POU2F3: variants seen among roughly 807,000 people sequenced by gnomAD.
The protein encoded by POU2F3 is POU class 2 homeobox 3, also known as POU domain, class 2, transcription factor 3.
A neutral mutation model predicts 59.2 loss-of-function variants in POU2F3; 23 were observed. The ratio of observed to expected loss-of-function variants is 0.39; its 90% CI spans 0.28 to 0.55. The LOEUF (loss-of-function observed/expected upper bound fraction) is 0.55, where lower values mean the gene tolerates loss of function less well. POU2F3 is among the 20% of genes least tolerant of loss of function. The pLI is 0.66. For missense variants in POU2F3, 473 were observed against 544.5 expected (o/e 0.87, Z 1.31); for synonymous variants, 190 against 214.6 (o/e 0.89, Z 1.00).
In POU2F3 at chr11:120,318,741, A is replaced by C; in HGVS notation, c.*349A>C. On this transcript the variant is annotated 3_prime_UTR_variant, in exon 13 of 13. Coordinates refer to ENST00000543440, the MANE Select transcript of POU2F3 (RefSeq NM_014352.4). ...ACTTCTTGCTGTTATTCTCCAACTCATCCGTGGGCTTCTGGGGACAGCCAT... is the reference window on the plus strand; with the variant it reads ...ACTTCTTGCTGTTATTCTCCAACTCCTCCGTGGGCTTCTGGGGACAGCCAT... 3 of 239,224 alleles carry C rather than the reference A, an allele frequency of 1.3e-5. No individual in the cohort carries two copies. The highest frequency in any genetic ancestry group is 1.1e-4 in the East Asian group (1 of 9,402). The allele number at this position is 239,224 out of a possible 1,614,324, so 14.8% of individuals were successfully genotyped here.
At chr11:120,286,656 C>T (rs955491954) in intron 3 of POU2F3, among the ~76,000 whole-genome samples, 1 of 152,270 alleles carries the variant, frequency 6.6e-6, no homozygotes, top group African/African-American at 2.4e-5. Context: ...GTCACACTGT[C>T]AACTTATACG....
chr11:120,307,430 C>T lies in POU2F3; in HGVS notation c.770-49C>T. 4.4e-6 allele frequency: 7 copies of T among 1,601,338 alleles called. No individual in the cohort carries two copies. In the Middle Eastern group the frequency reaches 1.2e-3, roughly 267 times the overall value. Reference sequence around the variant, plus strand: ...GACCTCAGATCCATGAAGGCACCGGCCACTCATCCCCTTCTCTGAGCTTCC... The same window carrying T: ...GACCTCAGATCCATGAAGGCACCGGTCACTCATCCCCTTCTCTGAGCTTCC... On this transcript the variant is annotated intron_variant, in intron 8 of 12. Transcript: ENST00000543440.
Position 120,305,682 on chromosome 11 carries a change from C to T in POU2F3, c.666C>T (p.Asn222=), listed in dbSNP as rs772841579. ...TGGCGATGGGAAAGCTGTATGGCAA[C>T]GACTTCAGCCAGACCACCATCTCAC... ...VGLAMGKLYG[N]DFSQTTISRF... The change falls in exon 8 of 13, where the codon AAC becomes AAT. Residue 222 remains asparagine (N), a synonymous_variant. Transcript: ENST00000543440. The T allele has an allele frequency of 6.2e-6, 10 of 1,613,898 alleles. No individual in the cohort carries two copies. In the East Asian group the frequency reaches 8.9e-5, roughly 14 times the overall value.
rs539102257 is a variant in POU2F3 at position 120,272,423 on chromosome 11, A to C, written c.132+3179A>C. 6.6e-5 allele frequency among the ~76,000 whole-genome samples: 10 copies of C among 152,288 alleles called. No individual in the cohort carries two copies. In the South Asian group the frequency reaches 2.1e-3, roughly 32 times the overall value. The stretch of plus-strand genomic sequence containing the variant: ...GGAGCCAGAGATTGAGTGTGACCTC[A>C]CCATGACTAACTGGGAGGAAATGGG... On this transcript the variant is annotated intron_variant, in intron 3 of 12. Coordinates refer to ENST00000543440, the MANE Select transcript of POU2F3 (RefSeq NM_014352.4).
intron 3 of POU2F3, among the ~76,000 whole-genome samples, chr11:120,271,412 G>A (rs1189605356): frequency 6.6e-6 from 1 of 152,248 alleles, no homozygotes; most frequent in Non-Finnish European, 1.5e-5. Flanking sequence ...CTGTGATTCT[G>A]ATGGATTCTC....
At chr11:120,270,507 A>C (rs1340706659) in intron 3 of POU2F3, among the ~76,000 whole-genome samples, 1 of 152,192 alleles carries the variant, frequency 6.6e-6, no homozygotes, top group East Asian at 1.9e-4. Flanking sequence ...AGTTTTAGTC[A>C]GAGAAGAGTG....
intron 2 of POU2F3, chr11:120,259,168 G>A (rs2135164606): frequency 6.6e-6 from 1 of 152,358 alleles, no homozygotes; most frequent in South Asian, 2.1e-4. Context: ...TGCATTTGAA[G>A]GAAAGTCATC....
intron 2 of POU2F3, 24 bp downstream of exon 2, chr11:120,246,541 A>C: frequency 6.8e-7 from 1 of 1,473,152 alleles, no homozygotes; most frequent in South Asian, 1.1e-5. Context: ...CTTCTCGGGG[A>C]TGGAGGGGGT....
chr11:120,285,606 A>T lies in POU2F3; in HGVS notation c.133-12659A>T, dbSNP rs1374407145. ...TTCATAATAAAGATTAAAAAGGAAGATTATTTTTATCCCTGTTCATGCTCA... is the reference window on the plus strand; with the variant it reads ...TTCATAATAAAGATTAAAAAGGAAGTTTATTTTTATCCCTGTTCATGCTCA... On this transcript the variant is annotated intron_variant, in intron 3 of 12. Coordinates refer to ENST00000543440, the MANE Select transcript of POU2F3 (RefSeq NM_014352.4). This position sits in a 1 kb window ranked among gnomAD's most constrained non-coding sequence, Gnocchi z 4.3. Among the ~76,000 whole-genome samples, 2 of 152,224 alleles carry T rather than the reference A, an allele frequency of 1.3e-5. No individual in the cohort carries two copies. Among genetic ancestry groups the T allele is most frequent in the Non-Finnish European group, 2.9e-5 (2 of 68,032 alleles).
intron 3 of POU2F3, among the ~76,000 whole-genome samples, chr11:120,274,225 GACC>G (rs1940228201): frequency 6.6e-6 from 1 of 152,114 alleles, no homozygotes; most frequent in Admixed American, 6.5e-5. Flanking sequence ...CTGACCATGT[GACC>G]TTGGGCAAGT....
chr11:120,314,180 T>C (rs1018186952), intron 10 of POU2F3, among the ~76,000 whole-genome samples: 2 of 152,198 alleles, frequency 1.3e-5, no homozygotes, highest in African/African-American at 4.8e-5. Flanking sequence ...GGAGGCTCAT[T>C]GTATAAGGAA....
At position 120,317,215 on chromosome 11, in the gene POU2F3, C is replaced by T. The variant is rs1178353166; in HGVS notation, c.1136-14C>T. 1 of 1,613,794 alleles carries T rather than the reference C, an allele frequency of 6.2e-7. No homozygotes were observed. Among genetic ancestry groups the T allele is most frequent in the African/African-American group, 1.3e-5 (1 of 75,004 alleles). On this transcript the variant is annotated splice_polypyrimidine_tract_variant and intron_variant, in intron 11 of 12. Coordinates refer to ENST00000543440, the MANE Select transcript of POU2F3 (RefSeq NM_014352.4). ...CATTATTTCCCCCTTGTTTTTGCCT[C>T]TCCTTATCCTCAGTAACGTCATCCT... is the stretch of plus-strand genomic sequence containing the variant.
intron 2 of POU2F3, 66 bp downstream of exon 2, chr11:120,246,583 C>T: frequency 6.5e-7 from 1 of 1,538,590 alleles, no homozygotes; most frequent in Non-Finnish European, 8.9e-7. Flanking sequence ...AATTGTTGAA[C>T]AACTGGTGTC....
chr11:120,248,952 A>G (rs1233249162), intron 2 of POU2F3, among the ~76,000 whole-genome samples: 1 of 152,220 alleles, frequency 6.6e-6, no homozygotes, highest in African/African-American at 2.4e-5. Flanking sequence ...AACTATAAAC[A>G]AAGGTGACTT....
At chr11:120,313,752 G>A (rs569981056) in intron 10 of POU2F3, among the ~76,000 whole-genome samples, 10 of 152,286 alleles carry the variant, frequency 6.6e-5, no homozygotes, top group Non-Finnish European at 1.5e-4. Flanking sequence ...GGTGGCTCAC[G>A]CCTGTAATCC....
At chr11:120,291,813 CTTT>C (rs11330526) in intron 3 of POU2F3, among the ~76,000 whole-genome samples, 2 of 141,428 alleles carry the variant, frequency 1.4e-5, no homozygotes, top group African/African-American at 2.7e-5. Context: ...TTTCTTTTTT[CTTT>C]TTTTTTTTTT....
At chr11:120,277,128 A>G (rs1940365571) in intron 3 of POU2F3, among the ~76,000 whole-genome samples, 1 of 152,160 alleles carries the variant, frequency 6.6e-6, no homozygotes, top group Admixed American at 6.5e-5. Flanking sequence ...TAGCTACTAA[A>G]AATCCAAAAA....
intron 6 of POU2F3, among the ~76,000 whole-genome samples, chr11:120,304,538 A>G (rs1941430424): frequency 6.6e-6 from 1 of 152,168 alleles, no homozygotes; most frequent in Non-Finnish European, 1.5e-5. Context: ...GAAGGCCATG[A>G]GTTATTGGAT....
At chr11:120,302,612 C>T in intron 6 of POU2F3, 1 of 498,942 alleles carries the variant, frequency 2.0e-6, no homozygotes. Context: ...CAGCCTCCTT[C>T]ATGCTCCAGG....
Sources: allele counts gnomAD v4.1 joint callset (sites outside exome capture counted in the v4.1 genomes callset), GRCh38; gene constraint gnomAD v4.1.1; non-coding constraint Gnocchi (gnomAD v3.1); transcripts MANE v1.5; gene names NCBI Gene and HGNC (gene_info 2026-07-23, HGNC 2026-07-21).